The following DSP variants were observed in gnomAD, a reference collection of about 807,000 sequenced individuals.
DSP encodes the protein desmoplakin.
DSP carries 114 observed loss-of-function variants against 290.6 expected under a neutral mutation model. The observed-to-expected ratio is 0.39, with a 90% confidence interval of 0.34 to 0.46. DSP has a LOEUF of 0.46. DSP is among the 20% of genes least tolerant of loss of function. DSP has a pLI of 0.99. For missense variants in DSP, 3,230 were observed against 3,495.8 expected (o/e 0.92, Z 1.92); for synonymous variants, 1,311 against 1,316.4 (o/e 1.00, Z 0.09).
intron 1 of DSP, among the ~76,000 whole-genome samples, chr6:7,549,412 G>A (rs1581785467): frequency 6.6e-6 from 1 of 152,224 alleles, no homozygotes; most frequent in African/African-American, 2.4e-5. Flanking sequence ...GCCTCCTGAA[G>A]TGTTGGGATT....
chr6:7,568,742 A>G (rs1165186385), intron 11 of DSP, among the ~76,000 whole-genome samples, 153 bp downstream of exon 11: 1 of 152,256 alleles, frequency 6.6e-6, no homozygotes, highest in Non-Finnish European at 1.5e-5. Flanking sequence ...CAAAAGCAGC[A>G]GCTCTGTTCT....
At position 7,583,463 on chromosome 6, in the gene DSP, G is replaced by C; in HGVS notation, c.6201G>C (p.Leu2067=). ...TTGATCCCCATCGGAATGAGAAGCTGACTGTCGACAGTGCCATAGCTCGGG... is the reference window on the plus strand; with the variant it reads ...TTGATCCCCATCGGAATGAGAAGCTCACTGTCGACAGTGCCATAGCTCGGG... ...GIIDPHRNEK[L]TVDSAIARDL... is the part of the protein sequence containing the mutation. The change falls in exon 24 of 24, where the codon CTG becomes CTC. Residue 2067 remains leucine (L), a synonymous_variant. Coordinates refer to ENST00000379802, the MANE Select transcript of DSP (RefSeq NM_004415.4). This position sits in a 1 kb window ranked among gnomAD's most constrained non-coding sequence, Gnocchi z 4.0. 1 of 1,614,188 alleles carries C rather than the reference G, an allele frequency of 6.2e-7. No homozygotes were observed. Among genetic ancestry groups the C allele is most frequent in the Non-Finnish European group, 8.5e-7 (1 of 1,180,032 alleles).
intron 21 of DSP, among the ~76,000 whole-genome samples, chr6:7,578,140 C>CT (rs1184543882): frequency 8.5e-6 from 1 of 117,590 alleles, no homozygotes; most frequent in Non-Finnish European, 1.8e-5. Flanking sequence ...AGAAATTGGG[C>CT]TTAAATTTCT....
In DSP at chr6:7,559,269, A is replaced by C. The variant is rs774706853; in HGVS notation, c.466A>C (p.Ile156Leu). The C allele has an allele frequency of 6.2e-7, 1 of 1,614,028 alleles. No individual in the cohort carries two copies. Among genetic ancestry groups the C allele is most frequent in the Non-Finnish European group, 8.5e-7 (1 of 1,180,022 alleles). The change falls in exon 4 of 24, where the codon ATC becomes CTC. Residue 156 changes from isoleucine (I) to leucine (L), a missense_variant. Physicochemically the swap from Ile to Leu is conservative, Grantham distance 5 (BLOSUM62 2). Transcript: ENST00000379802. ...QEQMRALYKA[I>L]SVPRVRRASS... ...GCAAATGCGAGCCCTTTATAAAGCC[A>C]TCAGTGTCCCTCGAGTCCGCAGGGC...
At chr6:7,574,860 T>C in intron 17 of DSP, 65 bp downstream of exon 17, 1 of 1,609,230 alleles carries the variant, frequency 6.2e-7, no homozygotes, top group South Asian at 1.1e-5. Context: ...AGCTCCCAAT[T>C]ATAAAGCCTC....
At position 7,584,113 on chromosome 6, in the gene DSP, G is replaced by A. The variant is rs1273566858; in HGVS notation, c.6851G>A (p.Arg2284Gln). The stretch of plus-strand genomic sequence containing the variant: ...GAGGCCATGAAAATTGGCTTAGTCC[G>A]ACCTGGTACTGCTCTGGAGTTGCTG... ...IYEAMKIGLV[R>Q]PGTALELLEA... Residue 2284 changes from arginine to glutamine, a missense_variant, in exon 24 of 24, where the codon CGA becomes CAA. Coordinates refer to ENST00000379802, the MANE Select transcript of DSP (RefSeq NM_004415.4). This position sits in a 1 kb window ranked among gnomAD's most constrained non-coding sequence, Gnocchi z 6.4. 1.2e-5 allele frequency: 19 copies of A among 1,614,056 alleles called. 1 individual carries two copies. Among genetic ancestry groups the A allele is most frequent in the Non-Finnish European group, 1.4e-5 (17 of 1,180,022 alleles).
Position 7,559,245 on chromosome 6 carries a change from C to A in DSP, c.442C>A (p.Gln148Lys), listed in dbSNP as rs1418797659. ...TTGCAGGCTTCTTCAGCTCCAAGAG[C>A]AAATGCGAGCCCTTTATAAAGCCAT... ...YQKRLLQLQE[Q>K]MRALYKAISV... The change falls in exon 4 of 24, where the codon CAA (glutamine) becomes AAA (lysine). Residue 148 changes from glutamine to lysine, a missense_variant. Physicochemically the swap from Gln to Lys is moderately conservative, Grantham distance 53 (BLOSUM62 1). Around this residue, in one of 5 missense-constraint regions of DSP, gnomAD observed 646 missense variants for 684.3 expected, o/e 0.94. Transcript: ENST00000379802. 1 of 1,613,976 alleles carries A rather than the reference C, an allele frequency of 6.2e-7. No individual in the cohort carries two copies. The highest frequency in any genetic ancestry group is 1.1e-5 in the South Asian group (1 of 91,070).
In DSP at chr6:7,584,906, A is replaced by T. The variant is rs886039159; in HGVS notation, c.7644A>T (p.Arg2548=). The T allele has an allele frequency of 1.9e-6, 3 of 1,614,058 alleles. No individual in the cohort carries two copies. The highest frequency in any genetic ancestry group is 3.3e-5 in the Admixed American group (2 of 60,002). ...LVDRKFFDQY[R]SGSLSLTQFA... ...ACAGGAAGTTCTTTGATCAGTACCG[A>T]TCCGGCAGCCTCAGCCTCACTCAAT... Residue 2548 remains arginine (R), a synonymous_variant, in exon 24 of 24, where the codon CGA becomes CGT. Coordinates refer to ENST00000379802, the MANE Select transcript of DSP (RefSeq NM_004415.4). This position sits in a 1 kb window ranked among gnomAD's most constrained non-coding sequence, Gnocchi z 6.4.
rs727503005 is a variant in DSP at position 7,583,916 on chromosome 6, C to T, written c.6654C>T (p.Thr2218=). 2.0e-5 allele frequency: 32 copies of T among 1,613,910 alleles called. No homozygotes were observed. The Admixed American group carries it at 2.2e-4, about 11-fold the overall frequency. ...TCCAAGGAATCAGACAACCTGTGAC[C>T]GTCACTGAGCTAGTAGATTCTGGTA... ...MSFQGIRQPV[T]VTELVDSGIL... The change falls in exon 24 of 24, where the codon ACC becomes ACT. Residue 2218 remains threonine, a synonymous_variant. Coordinates refer to ENST00000379802, the MANE Select transcript of DSP (RefSeq NM_004415.4). This position sits in a 1 kb window ranked among gnomAD's most constrained non-coding sequence, Gnocchi z 4.0.
chr6:7,562,994 T>C (rs1434058367), intron 5 of DSP, among the ~76,000 whole-genome samples: 1 of 152,226 alleles, frequency 6.6e-6, no homozygotes, highest in Non-Finnish European at 1.5e-5. Context: ...AACCAGAGGC[T>C]GAGGTTGTGC....
In DSP at chr6:7,580,146, C is replaced by G. The variant is rs138599871; in HGVS notation, c.3956C>G (p.Thr1319Ser). 74 of 1,613,888 alleles carry G rather than the reference C, an allele frequency of 4.6e-5. 1 individual carries two copies. In the South Asian group the frequency reaches 7.4e-4, roughly 16 times the overall value. The change falls in exon 23 of 24, where the codon ACC (threonine) becomes AGC (serine). Residue 1319 changes from threonine (T) to serine (S), a missense_variant. By Grantham distance (58) the Thr-to-Ser change is moderately conservative. Coordinates refer to ENST00000379802, the MANE Select transcript of DSP (RefSeq NM_004415.4). The surrounding 1 kb of genome is among the most constrained non-coding windows in gnomAD (Gnocchi z 4.2). ...HKQSLEEAAK[T>S]IQDKNKEIER... Reference sequence around the variant, plus strand: ...CAGTCCCTGGAGGAGGCTGCCAAGACCATTCAGGACAAAAATAAGGAGATC... The same window carrying G: ...CAGTCCCTGGAGGAGGCTGCCAAGAGCATTCAGGACAAAAATAAGGAGATC...
Position 7,578,550 on chromosome 6 carries a change from G to C in DSP, c.3072G>C (p.Leu1024Phe). The C allele has an allele frequency of 6.2e-7, 1 of 1,613,342 alleles. No individual in the cohort carries two copies. Among genetic ancestry groups the C allele is most frequent in the Non-Finnish European group, 8.5e-7 (1 of 1,179,474 alleles). Residue 1024 changes from leucine to phenylalanine, a missense_variant, in exon 22 of 24, where the codon TTG (leucine) becomes TTC (phenylalanine). Coordinates refer to ENST00000379802, the MANE Select transcript of DSP (RefSeq NM_004415.4). The stretch of plus-strand genomic sequence containing the variant: ...TCTTAAGTGAGATGCTGAAGAGTTT[G>C]GAAGATCTGAAGGTAATTTATACTG... ...YRFLSEMLKS[L>F]EDLKLKNTKI... is the part of the protein sequence containing the mutation.
Position 7,563,774 on chromosome 6 carries a change from T to C in DSP, c.765T>C (p.Tyr255=), listed in dbSNP as rs762541786. The stretch of plus-strand genomic sequence containing the variant: ...CGATCTACCAGTTGGAGGAGGAGTA[T>C]GAAAACCTGCTGGTAAGCTGATTTA... The part of the protein sequence containing the change: ...KSAIYQLEEE[Y]ENLLKASFER... The change falls in exon 6 of 24, where the codon TAT becomes TAC. Residue 255 remains tyrosine (Y), a synonymous_variant. Coordinates refer to ENST00000379802, the MANE Select transcript of DSP (RefSeq NM_004415.4). 6 of 1,613,808 alleles carry C rather than the reference T, an allele frequency of 3.7e-6. 1 individual carries two copies. The South Asian group carries it at 6.6e-5, about 18-fold the overall frequency.
At chr6:7,548,103 C>T (rs1758220765) in intron 1 of DSP, among the ~76,000 whole-genome samples, 1 of 151,972 alleles carries the variant, frequency 6.6e-6, no homozygotes, top group African/African-American at 2.4e-5. Context: ...CCCGTCTCTA[C>T]TAAAAATACA....
At chr6:7,569,045 T>G (rs1034816148) in intron 11 of DSP, 141 bp from the exon 12 acceptor site, 44 of 1,106,486 alleles carry the variant, frequency 4.0e-5, no homozygotes, top group Non-Finnish European at 5.6e-5. Context: ...TTGGGTTGTA[T>G]GATGATCAGC....
At chr6:7,543,839 G>A (rs1758093488) in intron 1 of DSP, among the ~76,000 whole-genome samples, 1 of 152,108 alleles carries the variant, frequency 6.6e-6, no homozygotes, top group East Asian at 1.9e-4. Flanking sequence ...CTTTTGTAGG[G>A]GAGTAAAACT....
chr6:7,564,462 G>T (rs761256802), intron 6 of DSP, among the ~76,000 whole-genome samples: 2 of 152,130 alleles, frequency 1.3e-5, no homozygotes, highest in Non-Finnish European at 2.9e-5. Context: ...TTGGGCTGGG[G>T]TGTGACTTAT....
chr6:7,575,767 CTT>C (rs1331865861), intron 18 of DSP, among the ~76,000 whole-genome samples: 1 of 152,136 alleles, frequency 6.6e-6, no homozygotes, highest in Non-Finnish European at 1.5e-5. Flanking sequence ...CCTATAAACT[CTT>C]GTTATGACTC....
rs754127386 is a variant in DSP, at chr6:7,584,813, G to A, written c.7551G>A (p.Val2517=). The A allele has an allele frequency of 2.1e-5, 34 of 1,614,182 alleles. No homozygotes were observed. The East Asian group carries it at 6.9e-4, about 33-fold the overall frequency. ...TITGSDGSTR[V]VLVDRKTGSQ... Reference sequence around the variant, plus strand: ...CGGGATCAGATGGCTCCACCAGGGTGGTCCTGGTAGATAGAAAGACAGGCA... The same window carrying A: ...CGGGATCAGATGGCTCCACCAGGGTAGTCCTGGTAGATAGAAAGACAGGCA... Residue 2517 remains valine, a synonymous_variant, in exon 24 of 24, where the codon GTG becomes GTA. Coordinates refer to ENST00000379802, the MANE Select transcript of DSP (RefSeq NM_004415.4). This position sits in a 1 kb window ranked among gnomAD's most constrained non-coding sequence, Gnocchi z 6.4.
Sources: gnomAD v4.1 joint callset for allele counts (sites outside exome capture counted in the v4.1 genomes callset) on GRCh38, gnomAD v4.1.1 for gene constraint, gnomAD v4.1.1 regional missense constraint, Gnocchi (gnomAD v3.1) non-coding constraint, MANE v1.5 for transcripts, NCBI Gene and HGNC (gene_info 2026-07-23, HGNC 2026-07-21) for gene names.